The following VAPB variants were observed in gnomAD, a reference collection of about 807,000 sequenced individuals.
The protein encoded by VAPB is VAMP associated protein B and C.
Under a neutral mutation model 25.6 loss-of-function variants are expected in VAPB, and 7 were observed. That is an observed-to-expected ratio of 0.27 (90% CI 0.16 to 0.51). The LOEUF (loss-of-function observed/expected upper bound fraction) is 0.51, where lower values mean the gene tolerates loss of function less well. VAPB is among the 20% of genes least tolerant of loss of function. The pLI is 0.97. For missense variants in VAPB, 266 were observed against 301.3 expected, an observed-to-expected ratio of 0.88 and a Z score of 0.87; for synonymous variants, 112 against 109.2, an observed-to-expected ratio of 1.03 and a Z score of -0.16.
At chr20:58,414,395 GC>G (rs1167889366) in intron 1 of VAPB, among the ~76,000 whole-genome samples, 91 of 151,164 alleles carry the variant, frequency 6.0e-4, no homozygotes, top group Admixed American at 2.3e-3. Flanking sequence ...AGACGGGGTG[GC>G]CGCCGGGCGG....
intron 1 of VAPB, among the ~76,000 whole-genome samples, 170 bp from the exon 2 acceptor site, chr20:58,418,041 A>G (rs1464233754): frequency 6.6e-6 from 1 of 152,228 alleles, no homozygotes; most frequent in East Asian, 1.9e-4. Flanking sequence ...TAAATATTAG[A>G]CGTTACTGCT....
intron 1 of VAPB, among the ~76,000 whole-genome samples, chr20:58,409,639 T>C (rs1221243007): frequency 2.0e-5 from 3 of 152,176 alleles, no homozygotes; most frequent in Non-Finnish European, 4.4e-5. Context: ...TAAAATAATA[T>C]AGCTTTTTTT....
chr20:58,433,162 C>T (rs1402938169), intron 2 of VAPB, among the ~76,000 whole-genome samples: 2 of 152,120 alleles, frequency 1.3e-5, no homozygotes, highest in African/African-American at 4.8e-5. Flanking sequence ...TGTCGTGGGG[C>T]CTGGGTGCCA....
intron 5 of VAPB, among the ~76,000 whole-genome samples, chr20:58,443,410 T>TTG (rs1989204665): frequency 6.7e-6 from 1 of 149,844 alleles, no homozygotes; most frequent in Admixed American, 6.6e-5. Flanking sequence ...TTTTTTTTTT[T>TTG]TTTTTTTTTA....
At chr20:58,411,579 T>G (rs1988379283) in intron 1 of VAPB, among the ~76,000 whole-genome samples, 1 of 152,230 alleles carries the variant, frequency 6.6e-6, no homozygotes, top group African/African-American at 2.4e-5. Flanking sequence ...GCCAGACATC[T>G]TTTCGTATGT....
Position 58,403,183 on chromosome 20 carries a change from T to A in VAPB, c.58+13666T>A, listed in dbSNP as rs116960109. On this transcript the variant is annotated intron_variant, in intron 1 of 5. Transcript: ENST00000475243. ...ACTAAATGCTGGTTGCTTTTCTCTC[T>A]TGTGGAAACTTATGTTTTTACTTCT... Among the ~76,000 whole-genome samples the A allele has an allele frequency of 3.2e-4, 49 of 152,366 alleles. No individual in the cohort carries two copies. The East Asian group carries it at 8.3e-3, about 26-fold the overall frequency.
chr20:58,449,956 T>C lies in VAPB; in HGVS notation c.*5721T>C, dbSNP rs887626099. On this transcript the variant is annotated 3_prime_UTR_variant, in exon 6 of 6. Coordinates refer to ENST00000475243, the MANE Select transcript of VAPB (RefSeq NM_004738.5). The stretch of plus-strand genomic sequence containing the variant: ...TCCCTTTTTTTTTCCCTTTGGAAAA[T>C]GCCAACTAAGGGAGACTAATCAGAT... 2.2e-6 allele frequency: 1 copy of C among 453,852 alleles called. No homozygotes were observed. Among genetic ancestry groups the C allele is most frequent in the Non-Finnish European group, 4.4e-6 (1 of 226,742 alleles). 28.1% of individuals were successfully genotyped at this position (453,852 alleles called of 1,614,324 possible).
At chr20:58,409,316 T>G (rs1181697376) in intron 1 of VAPB, among the ~76,000 whole-genome samples, 1 of 152,220 alleles carries the variant, frequency 6.6e-6, no homozygotes, top group Non-Finnish European at 1.5e-5. Context: ...AATAGGATAC[T>G]TTTTAATGTA....
intron 3 of VAPB, among the ~76,000 whole-genome samples, chr20:58,435,616 A>G (rs1045133117): frequency 1.3e-5 from 2 of 152,154 alleles, no homozygotes; most frequent in African/African-American, 4.8e-5. Flanking sequence ...TCAGGCCAAG[A>G]CCACCCCATG....
At chr20:58,401,833 C>T (rs538371979) in intron 1 of VAPB, among the ~76,000 whole-genome samples, 1 of 152,286 alleles carries the variant, frequency 6.6e-6, no homozygotes, top group East Asian at 1.9e-4. Context: ...GAACTCTATA[C>T]CACCTTTTCA....
intron 2 of VAPB, among the ~76,000 whole-genome samples, chr20:58,430,822 C>T (rs2179684): frequency 0.33 from 50,320 of 151,958 alleles, 8,640 homozygotes; most frequent in African/African-American, 0.33. Context: ...GTGATCCACC[C>T]GCCTCGGCCT....
chr20:58,413,193 CAG>C (rs1482391710), intron 1 of VAPB, among the ~76,000 whole-genome samples: 6 of 134,368 alleles, frequency 4.5e-5, no homozygotes, highest in Non-Finnish European at 9.4e-5. Context: ...GTGTTTCTCA[CAG>C]AGGGGGATTT....
In VAPB at chr20:58,445,723, T is replaced by TG. The variant is rs1491155438; in HGVS notation, c.*1488_*1489insG. On this transcript the variant is annotated 3_prime_UTR_variant, in exon 6 of 6. Transcript: ENST00000475243. ...GTGTGTGTGTGTGTGTGTGTGTGTA[T>TG]TTTTTTTTTGGTTGTCTTCAGCTGA... 8 of 332,378 alleles carry TG rather than the reference T, an allele frequency of 2.4e-5. No homozygotes were observed. Among genetic ancestry groups the TG allele is most frequent in the Middle Eastern group, 1.0e-3 (1 of 1,002 alleles). 20.6% of individuals were successfully genotyped at this position (332,378 alleles called of 1,614,324 possible). A position where few individuals can be genotyped will look rare whatever the true frequency, so the allele number is the denominator to read the frequency against.
intron 2 of VAPB, among the ~76,000 whole-genome samples, chr20:58,432,665 T>C (rs533188091): frequency 1.4e-4 from 21 of 152,328 alleles, no homozygotes; most frequent in African/African-American, 4.8e-4. Flanking sequence ...TGTAAAGACA[T>C]TGGCTCTTTA....
chr20:58,395,063 A>G (rs1337204477), intron 1 of VAPB, among the ~76,000 whole-genome samples: 1 of 152,100 alleles, frequency 6.6e-6, no homozygotes, highest in Non-Finnish European at 1.5e-5. Flanking sequence ...GGAGTATATT[A>G]TATTGGTTAT....
At chr20:58,394,000 G>A (rs1237764647) in intron 1 of VAPB, among the ~76,000 whole-genome samples, 3 of 152,336 alleles carry the variant, frequency 2.0e-5, no homozygotes, top group Non-Finnish European at 2.9e-5. Context: ...CCAAAGTGCT[G>A]GGATGATAGG....
chr20:58,395,138 A>G (rs1600769186), intron 1 of VAPB, among the ~76,000 whole-genome samples: 1 of 149,286 alleles, frequency 6.7e-6, no homozygotes, highest in East Asian at 1.9e-4. Flanking sequence ...ATAAAGAATT[A>G]TCTCCAAAAG....
Position 58,445,538 on chromosome 20 carries a change from C to G in VAPB, c.*1303C>G, listed in dbSNP as rs1439311799. 2.2e-6 allele frequency: 1 copy of G among 454,296 alleles called. No homozygotes were observed. Among genetic ancestry groups the G allele is most frequent in the Non-Finnish European group, 4.4e-6 (1 of 226,758 alleles). The allele number at this position is 454,296 out of a possible 1,614,324, so 28.1% of individuals were successfully genotyped here. ...CTTGAAAAGAAAAATTATAATAAAG[C>G]CCCAAAATTAAGAATTCTTTTGTCA... is the stretch of plus-strand genomic sequence containing the variant. On this transcript the variant is annotated 3_prime_UTR_variant, in exon 6 of 6. Coordinates refer to ENST00000475243, the MANE Select transcript of VAPB (RefSeq NM_004738.5).
intron 2 of VAPB, among the ~76,000 whole-genome samples, chr20:58,429,014 T>A (rs973607320): frequency 1.3e-5 from 2 of 152,192 alleles, no homozygotes; most frequent in Non-Finnish European, 2.9e-5. Flanking sequence ...TGTTCCAGGC[T>A]GGTAGAAATC....
Sources: gnomAD v4.1 joint callset for allele counts (sites outside exome capture counted in the v4.1 genomes callset) on GRCh38, gnomAD v4.1.1 for gene constraint, MANE v1.5 for transcripts, NCBI Gene and HGNC (gene_info 2026-07-23, HGNC 2026-07-21) for gene names.